The following MINDY3 variants were observed in gnomAD, a reference collection of about 807,000 sequenced individuals.
MINDY3 encodes MINDY lysine 48 deubiquitinase 3.
In MINDY3, 38 loss-of-function variants were observed where a neutral mutation model predicts 69.2. The observed-to-expected ratio is 0.55, with a 90% CI of 0.42 to 0.72. The LOEUF (loss-of-function observed/expected upper bound fraction) is 0.72. Among genes scored for constraint, MINDY3 ranks in the 30% least tolerant of loss-of-function variants. The probability of loss-of-function intolerance (pLI) is 0.00; values close to 1 mark genes in which losing one functional copy is unlikely to be tolerated. For missense variants in MINDY3, 522 were observed against 519.0 expected (o/e 1.01, Z -0.06); for synonymous variants, 192 against 180.1 (o/e 1.07, Z -0.53).
At chr10:15,848,671 AATTAAAT>A (rs1834047298) in intron 1 of MINDY3, among the ~76,000 whole-genome samples, 4 of 148,754 alleles carry the variant, frequency 2.7e-5, no homozygotes, top group African/African-American at 1.0e-4. Context: ...AAGAAAGAAA[AATTAAAT>A]GGCATTGTAG....
At chr10:15,852,636 AT>A (rs2132138525) in intron 1 of MINDY3, among the ~76,000 whole-genome samples, 1 of 152,332 alleles carries the variant, frequency 6.6e-6, no homozygotes, top group South Asian at 2.1e-4. Context: ...GAATAAAGAT[AT>A]AAATTAAAAT....
rs373701001 is a variant in MINDY3 at position 15,831,055 on chromosome 10, T to C, written c.730+2575A>G. On this transcript the variant is annotated intron_variant, in intron 8 of 14. Transcript: ENST00000277632. ...AAAGAATATGCTGAAAAAAGACAAC[T>C]TGAGATTCTAAAGTCAGCTGAGAGT... 5.9e-5 allele frequency among the ~76,000 whole-genome samples: 9 copies of C among 152,142 alleles called. 1 individual carries two copies. The highest frequency in any genetic ancestry group is 1.9e-4 in the African/African-American group (8 of 41,496).
intron 10 of MINDY3, among the ~76,000 whole-genome samples, chr10:15,801,280 G>A (rs1008217593): frequency 2.6e-5 from 4 of 152,136 alleles, no homozygotes; most frequent in Admixed American, 1.3e-4. Flanking sequence ...TGCACATGCA[G>A]TCAGGGTGAT....
At chr10:15,827,580 C>T (rs577250778) in intron 8 of MINDY3, among the ~76,000 whole-genome samples, 568 of 150,878 alleles carry the variant, frequency 3.8e-3, no homozygotes, top group South Asian at 0.022. Context: ...AAATAAAAGC[C>T]TTGGATATAA....
chr10:15,783,433 T>C (rs967090732), intron 13 of MINDY3, among the ~76,000 whole-genome samples: 65 of 152,328 alleles, frequency 4.3e-4, no homozygotes, highest in Non-Finnish European at 2.1e-4. Flanking sequence ...AAAGATCTTT[T>C]GTTGGCCTTT....
intron 5 of MINDY3, chr10:15,837,893 A>G (rs1232542800): frequency 1.1e-6 from 1 of 935,050 alleles, no homozygotes. Context: ...ACTGGCAAAT[A>G]AATAATTCTA....
At chr10:15,801,857 G>A (rs1176680746) in intron 10 of MINDY3, among the ~76,000 whole-genome samples, 1 of 151,866 alleles carries the variant, frequency 6.6e-6, no homozygotes, top group African/African-American at 2.4e-5. Context: ...AGGGTTTCAA[G>A]ATAAAGATCT....
At chr10:15,850,853 A>G (rs1834233458) in intron 1 of MINDY3, among the ~76,000 whole-genome samples, 1 of 152,166 alleles carries the variant, frequency 6.6e-6, no homozygotes, top group Non-Finnish European at 1.5e-5. Flanking sequence ...ACCTGCTGAC[A>G]TGTGATGTCT....
rs1205413146 is a variant in MINDY3, at chr10:15,803,736, A to G, written c.883-7564T>C. ...AGAACAGAGAAAAACATGCTACTCT[A>G]TCTTTACTTCCAAGAATCTTATTAA... On this transcript the variant is annotated intron_variant, in intron 10 of 14. Coordinates refer to ENST00000277632, the MANE Select transcript of MINDY3 (RefSeq NM_024948.4). Among the ~76,000 whole-genome samples the G allele has an allele frequency of 2.7e-5, 4 of 147,750 alleles. No individual in the cohort carries two copies. The East Asian group carries it at 7.7e-4, about 29-fold the overall frequency.
intron 4 of MINDY3, among the ~76,000 whole-genome samples, chr10:15,840,544 G>A (rs1335129193): frequency 2.0e-5 from 3 of 151,634 alleles, no homozygotes; most frequent in East Asian, 1.9e-4. Flanking sequence ...AGCAAAATGT[G>A]TATCCCATAC....
intron 9 of MINDY3, among the ~76,000 whole-genome samples, chr10:15,818,413 A>C (rs1345958116): frequency 1.3e-5 from 2 of 152,216 alleles, no homozygotes; most frequent in Admixed American, 6.5e-5. Flanking sequence ...TATTGAATGC[A>C]TAAATAAGTG....
chr10:15,820,126 A>G (rs1839654417), intron 9 of MINDY3, among the ~76,000 whole-genome samples: 1 of 152,178 alleles, frequency 6.6e-6, no homozygotes, highest in South Asian at 2.1e-4. Context: ...TATTCCTATT[A>G]AATATTGTGG....
chr10:15,786,577 T>C lies in MINDY3; in HGVS notation c.1100A>G (p.Glu367Gly). The C allele has an allele frequency of 6.3e-7, 1 of 1,576,998 alleles. No homozygotes were observed. The highest frequency in any genetic ancestry group is 8.7e-7 in the Non-Finnish European group (1 of 1,148,278). Residue 367 changes from glutamate (E) to glycine (G), a missense_variant, in exon 13 of 15, where the codon GAA becomes GGA. By Grantham distance (98) the Glu-to-Gly change is moderately conservative (BLOSUM62 -2). Transcript: ENST00000277632. ...GIILLGPFLQ[E>G]FFPDQGSSGP... ...CTATGTTACCTGATCAGGAAAAAATTCTTGAAGAAATGGGCCCAATAATAT... is the reference window on the plus strand; with the variant it reads ...CTATGTTACCTGATCAGGAAAAAATCCTTGAAGAAATGGGCCCAATAATAT...
chr10:15,778,887 G>A lies in MINDY3; in HGVS notation c.*105C>T, dbSNP rs1836297092. ...AATGTGTTTTTAATTGTTATTTACA[G>A]TTAATCAGTGATACCAGTGTTTAGC... On this transcript the variant is annotated 3_prime_UTR_variant, in exon 15 of 15. Coordinates refer to ENST00000277632, the MANE Select transcript of MINDY3 (RefSeq NM_024948.4). The A allele has an allele frequency of 1.2e-6, 1 of 857,290 alleles. No individual in the cohort carries two copies. Among genetic ancestry groups the A allele is most frequent in the Non-Finnish European group, 1.8e-6 (1 of 564,492 alleles). The allele number at this position is 857,290 out of a possible 1,614,324, so 53.1% of individuals were successfully genotyped here.
At chr10:15,843,942 T>C (rs1380371294) in intron 2 of MINDY3, among the ~76,000 whole-genome samples, 1 of 152,150 alleles carries the variant, frequency 6.6e-6, no homozygotes, top group Non-Finnish European at 1.5e-5. Context: ...GGGCTCCACC[T>C]ATTCTCTCTG....
At chr10:15,850,007 G>A (rs903939127) in intron 1 of MINDY3, among the ~76,000 whole-genome samples, 4 of 152,200 alleles carry the variant, frequency 2.6e-5, no homozygotes, top group Non-Finnish European at 5.9e-5. Flanking sequence ...CTGAAGCTGT[G>A]ACAGAAGAAT....
chr10:15,782,652 A>G (rs984342007), intron 13 of MINDY3, among the ~76,000 whole-genome samples: 9 of 152,290 alleles, frequency 5.9e-5, no homozygotes, highest in African/African-American at 2.2e-4. Flanking sequence ...GTATGTACCA[A>G]TACTTCCAAT....
intron 10 of MINDY3, among the ~76,000 whole-genome samples, chr10:15,811,246 A>AT (rs745458010): frequency 7.9e-5 from 12 of 152,142 alleles, no homozygotes; most frequent in Non-Finnish European, 1.3e-4. Context: ...AATGTCAAAG[A>AT]TTTTTTTTCT....
At chr10:15,856,312 A>G (rs1739596535) in intron 1 of MINDY3, among the ~76,000 whole-genome samples, 1 of 151,916 alleles carries the variant, frequency 6.6e-6, no homozygotes, top group Non-Finnish European at 1.5e-5. Flanking sequence ...TTATTTGTTA[A>G]ATATCTTTTT....
Sources: allele counts gnomAD v4.1 joint callset (sites outside exome capture counted in the v4.1 genomes callset), GRCh38; gene constraint gnomAD v4.1.1; transcripts MANE v1.5; gene names NCBI Gene and HGNC (gene_info 2026-07-23, HGNC 2026-07-21).